The following ARB2A variants were observed in gnomAD, a reference collection of about 807,000 sequenced individuals.
ARB2A encodes the protein ARB2 cotranscriptional regulator A.
At chr5:94,027,642 C>G in the ARB2A span, among the ~76,000 whole-genome samples, 1 of 152,190 alleles carries the variant, frequency 6.6e-6, no homozygotes, top group Admixed American at 6.5e-5. Context: ...GGGCGGTACA[C>G]AGGGACAGAA....
the ARB2A span, among the ~76,000 whole-genome samples, chr5:93,987,146 G>A: frequency 6.6e-6 from 1 of 152,064 alleles, no homozygotes; most frequent in Non-Finnish European, 1.5e-5. Flanking sequence ...GACCCTGTAA[G>A]TTAACCTAAC....
chr5:93,998,755 T>C, the ARB2A span, among the ~76,000 whole-genome samples: 3 of 152,042 alleles, frequency 2.0e-5, no homozygotes, highest in Non-Finnish European at 4.4e-5. Flanking sequence ...GATTCTGATA[T>C]ACAATATGCT....
the ARB2A span, among the ~76,000 whole-genome samples, chr5:93,997,382 G>A: frequency 6.6e-6 from 1 of 152,030 alleles, no homozygotes; most frequent in African/African-American, 2.4e-5. Context: ...AAAGCGTTCA[G>A]ATGAATATTG....
the ARB2A span, among the ~76,000 whole-genome samples, chr5:93,714,774 T>A: frequency 6.6e-6 from 1 of 152,180 alleles, no homozygotes; most frequent in Non-Finnish European, 1.5e-5. Flanking sequence ...CTGCAACTCT[T>A]ACACAGGAGA....
At chr5:94,001,241 C>T in the ARB2A span, among the ~76,000 whole-genome samples, 1 of 152,056 alleles carries the variant, frequency 6.6e-6, no homozygotes, top group Non-Finnish European at 1.5e-5. Flanking sequence ...TTGGGAAGAA[C>T]TGACATCATG....
chr5:93,889,286 G>A, the ARB2A span, among the ~76,000 whole-genome samples: 6 of 151,740 alleles, frequency 4.0e-5, no homozygotes, highest in African/African-American at 1.4e-4. Context: ...GTGTGTTTGT[G>A]CGTGTGTGCA....
At chr5:93,876,686 C>T in the ARB2A span, among the ~76,000 whole-genome samples, 1 of 151,564 alleles carries the variant, frequency 6.6e-6, no homozygotes, top group African/African-American at 2.4e-5. Context: ...CTTGAATATA[C>T]TTGGAAAATA....
the ARB2A span, chr5:93,784,489 C>T: frequency 6.8e-6 from 11 of 1,611,724 alleles, no homozygotes; most frequent in East Asian, 2.2e-5. Context: ...ATCGGCTTCT[C>T]GTTGAATCAT....
chr5:93,818,832 A>C, the ARB2A span, among the ~76,000 whole-genome samples: 1 of 152,216 alleles, frequency 6.6e-6, no homozygotes, highest in Non-Finnish European at 1.5e-5. Context: ...AGAATTCCCA[A>C]ATCAGTCAAT....
chr5:93,808,126 T>C, the ARB2A span, among the ~76,000 whole-genome samples: 2 of 152,004 alleles, frequency 1.3e-5, no homozygotes, highest in Non-Finnish European at 2.9e-5. Context: ...CTTACGGCTA[T>C]ATCGGCTTCA....
chr5:93,854,294 G>A, the ARB2A span, among the ~76,000 whole-genome samples: 13,542 of 152,120 alleles, frequency 0.089, 788 homozygotes, highest in Middle Eastern at 0.17. Context: ...CTGTGGGATT[G>A]GTGGTGGCAT....
At chr5:94,101,904 C>G in the ARB2A span, among the ~76,000 whole-genome samples, 1 of 151,374 alleles carries the variant, frequency 6.6e-6, no homozygotes, top group Non-Finnish European at 1.5e-5. Flanking sequence ...CACATGTTAT[C>G]TATGTAGCAA....
the ARB2A span, among the ~76,000 whole-genome samples, chr5:94,049,671 A>C: frequency 1.6e-4 from 25 of 152,022 alleles, no homozygotes; most frequent in African/African-American, 6.0e-4. Flanking sequence ...TACAAAAAAA[A>C]ATTAGGTGGG....
At chr5:93,910,859 G>GA in the ARB2A span, 1 of 151,362 alleles carries the variant, frequency 6.6e-6, no homozygotes, top group Non-Finnish European at 1.5e-5. Context: ...TGTGACAGGG[G>GA]AAAAAATTCT....
chr5:93,932,346 T>C, the ARB2A span, among the ~76,000 whole-genome samples: 6 of 152,328 alleles, frequency 3.9e-5, no homozygotes, highest in South Asian at 2.1e-4. Context: ...TCTTGTTAGA[T>C]AGACGGAAAG....
At chr5:93,735,291 G>A in the ARB2A span, 1 of 152,178 alleles carries the variant, frequency 6.6e-6, no homozygotes, top group Admixed American at 6.5e-5. Context: ...AGCAAGTCAA[G>A]AGATCTAGTG....
chr5:94,027,203 C>G, the ARB2A span, among the ~76,000 whole-genome samples: 1 of 152,150 alleles, frequency 6.6e-6, no homozygotes, highest in Non-Finnish European at 1.5e-5. Context: ...AGCTTGGGAG[C>G]TGTGATATTG....
chr5:94,008,284 T>C, the ARB2A span, among the ~76,000 whole-genome samples: 3 of 152,214 alleles, frequency 2.0e-5, no homozygotes, highest in Admixed American at 6.5e-5. Context: ...AAGAATGTTA[T>C]TAAAAAGACA....
At chr5:93,870,854 GAAGGTATACA>G in the ARB2A span, among the ~76,000 whole-genome samples, 1 of 152,212 alleles carries the variant, frequency 6.6e-6, no homozygotes, top group Non-Finnish European at 1.5e-5. Context: ...GTGATGAAAT[GAAGGTATACA>G]TAAAGCACTT....
Sources: gnomAD v4.1 joint callset for allele counts (sites outside exome capture counted in the v4.1 genomes callset) on GRCh38, gnomAD v4.1.1 for gene constraint, MANE v1.5 for transcripts, NCBI Gene and HGNC (gene_info 2026-07-23, HGNC 2026-07-21) for gene names.